The following PDK3 variants were observed in gnomAD, a reference collection of about 807,000 sequenced individuals.
The protein encoded by PDK3 is pyruvate dehydrogenase kinase 3.
PDK3 carries 12 observed loss-of-function variants against 32.0 expected under a neutral mutation model. The observed-to-expected ratio is 0.37, with a 90% CI of 0.24 to 0.61. The LOEUF (loss-of-function observed/expected upper bound fraction) is 0.61. PDK3 is among the 20% of genes least tolerant of loss of function. The pLI, the probability that PDK3 is intolerant of heterozygous loss-of-function variation, is 0.65. For missense variants in PDK3, 188 were observed against 316.9 expected, an observed-to-expected ratio of 0.59 and a Z score of 3.09; for synonymous variants, 122 against 116.3, an observed-to-expected ratio of 1.05 and a Z score of -0.31.
chrX:24,474,346 A>G (rs1237936722), intron 1 of PDK3, among the ~76,000 whole-genome samples: 1 of 110,837 alleles, frequency 9.0e-6, no homozygotes, highest in Non-Finnish European at 1.9e-5. Context: ...GTTATTAAAC[A>G]TTATGCCACT....
chrX:24,544,320 TG>T (rs1256842650), exon 12 of PDK3, among the ~76,000 whole-genome samples: 1 of 110,823 alleles, frequency 9.0e-6, no homozygotes, highest in Non-Finnish European at 1.9e-5. Context: ...AGGAACATGG[TG>T]GGTTTGTACT....
intron 5 of PDK3, among the ~76,000 whole-genome samples, chrX:24,514,409 G>A (rs1286947473): frequency 8.9e-6 from 1 of 112,072 alleles, no homozygotes; most frequent in Non-Finnish European, 1.9e-5. Context: ...CTTATATTCA[G>A]TGGCAATAAT....
intron 9 of PDK3, among the ~76,000 whole-genome samples, chrX:24,529,135 C>T (rs1922588203): frequency 9.0e-6 from 1 of 111,709 alleles, no homozygotes; most frequent in Non-Finnish European, 1.9e-5. Context: ...CTTGACTAGG[C>T]TCTGGCATGC....
At chrX:24,484,104 C>A (rs1243559687) in intron 1 of PDK3, among the ~76,000 whole-genome samples, 1 of 110,938 alleles carries the variant, frequency 9.0e-6, no homozygotes, top group Non-Finnish European at 1.9e-5. Context: ...CTCCACCTCC[C>A]AGGTTCAAGC....
chrX:24,498,053 T>G (rs191409012), intron 2 of PDK3, among the ~76,000 whole-genome samples: 211 of 112,201 alleles, frequency 1.9e-3, no homozygotes, highest in Admixed American at 7.8e-3. Context: ...TTAATTGGCC[T>G]TCTTTCTCCC....
intron 9 of PDK3, among the ~76,000 whole-genome samples, chrX:24,530,014 T>C (rs1385240008): frequency 1.8e-5 from 2 of 111,487 alleles, no homozygotes; most frequent in East Asian, 2.8e-4. Context: ...TCTGCATTCT[T>C]TGGGAGTCTG....
intron 10 of PDK3, 38 bp downstream of exon 10, chrX:24,531,808 T>C: frequency 1.4e-6 from 1 of 734,415 alleles, no homozygotes; most frequent in Non-Finnish European, 2.1e-6. Context: ...GCATCTTTGC[T>C]TTTTAAAGCT....
In PDK3 at chrX:24,516,053, G is replaced by A. The variant is rs771654563; in HGVS notation, c.596-2880G>A. 9.8e-5 allele frequency among the ~76,000 whole-genome samples: 11 copies of A among 111,681 alleles called. No homozygotes were observed. In the South Asian group the frequency reaches 3.7e-3, roughly 38 times the overall value. On this transcript the variant is annotated intron_variant, in intron 5 of 10. Transcript: ENST00000379162. The stretch of plus-strand genomic sequence containing the variant: ...ATAATTAATTTGGTAGCAATATGAA[G>A]TCAATGAACTAAAATTTATAGTCTG...
downstream of PDK3, among the ~76,000 whole-genome samples, chrX:24,535,837 A>G (rs1270894730): frequency 1.9e-5 from 2 of 107,362 alleles, no homozygotes; most frequent in Non-Finnish European, 3.8e-5. Flanking sequence ...GGCGTGGGCC[A>G]CCATGCCTGG....
intron 3 of PDK3, 63 bp from the exon 4 acceptor site, chrX:24,503,264 G>GATCTGTCCATGAGATATT (rs762185002): frequency 2.9e-4 from 218 of 764,553 alleles, no homozygotes; most frequent in Non-Finnish European, 3.5e-4. Flanking sequence ...ACAGAGCTGG[G>GATCTGTCCATGAGATATT]AAGTCTGTGC....
rs369147892 is a variant in PDK3 at position 24,527,563 on chromosome X, T to G, written c.751-11T>G. ...GGCAGTATGATTAATAAAAAGATCT[T>G]ATTATTTTAGAACTCAATGAGAGCG... On this transcript the variant is annotated splice_polypyrimidine_tract_variant and intron_variant, in intron 7 of 10. Transcript: ENST00000379162. 1.9e-6 allele frequency: 2 copies of G among 1,036,410 alleles called. No individual in the cohort carries two copies. 85.4% of individuals were successfully genotyped at this position (1,036,410 alleles called of 1,213,427 possible). A position where few individuals can be genotyped will look rare whatever the true frequency, so the allele number is the denominator to read the frequency against.
intron 5 of PDK3, among the ~76,000 whole-genome samples, chrX:24,513,218 G>A (rs975933440): frequency 9.0e-6 from 1 of 111,408 alleles, no homozygotes; most frequent in African/African-American, 3.3e-5. Context: ...GGTTTGGAGC[G>A]TGAGGTGTGG....
chrX:24,486,144 A>T (rs1267089742), intron 1 of PDK3, among the ~76,000 whole-genome samples: 1 of 111,387 alleles, frequency 9.0e-6, no homozygotes, highest in East Asian at 2.8e-4. Flanking sequence ...GGCCCTGGCT[A>T]CTTAGCCTAA....
intron 1 of PDK3, among the ~76,000 whole-genome samples, chrX:24,493,154 A>C (rs188075118): frequency 8.9e-6 from 1 of 111,887 alleles, no homozygotes; most frequent in Non-Finnish European, 1.9e-5. Flanking sequence ...TACTTATCAC[A>C]GTGAAAGTAT....
chrX:24,491,763 T>C (rs779214825), intron 1 of PDK3, among the ~76,000 whole-genome samples: 1 of 111,113 alleles, frequency 9.0e-6, no homozygotes, highest in Admixed American at 9.6e-5. Context: ...GAGACCAGCC[T>C]GGGCAACATG....
chrX:24,524,611 CAT>C (rs1275078132), intron 6 of PDK3, among the ~76,000 whole-genome samples: 1 of 111,705 alleles, frequency 9.0e-6, no homozygotes, highest in African/African-American at 3.3e-5. Context: ...TCAATATTTA[CAT>C]AGTTATAATG....
chrX:24,481,049 CTTT>C (rs758641178), intron 1 of PDK3, among the ~76,000 whole-genome samples: 1 of 97,488 alleles, frequency 1.0e-5, no homozygotes. Flanking sequence ...TTTTCTTTTT[CTTT>C]TTTTTTTTTT....
At chrX:24,488,928 T>C (rs1052581449) in intron 1 of PDK3, among the ~76,000 whole-genome samples, 7 of 111,080 alleles carry the variant, frequency 6.3e-5, no homozygotes, top group African/African-American at 2.3e-4. Flanking sequence ...AAATGCAGAA[T>C]AAAAATAGAA....
rs138306703 is a variant in PDK3, at chrX:24,466,383, A to C, written c.106+822A>C. On this transcript the variant is annotated intron_variant, in intron 1 of 10. Coordinates refer to ENST00000379162, the MANE Select transcript of PDK3 (RefSeq NM_005391.5). ...CAGAAAACGAAGGAGCTGGTTGTGA[A>C]ACACCTAAAAGTAAAACGCATGCAT... is the stretch of plus-strand genomic sequence containing the variant. Among the ~76,000 whole-genome samples the C allele has an allele frequency of 3.5e-3, 392 of 112,126 alleles. 4 individuals carry two copies. Among genetic ancestry groups the C allele is most frequent in the African/African-American group, 0.012 (369 of 30,856 alleles).
Sources: allele counts gnomAD v4.1 joint callset (sites outside exome capture counted in the v4.1 genomes callset), GRCh38; gene constraint gnomAD v4.1.1; transcripts MANE v1.5; gene names NCBI Gene and HGNC (gene_info 2026-07-23, HGNC 2026-07-21).